The following LYPLAL1 variants were observed in gnomAD, a reference collection of about 807,000 sequenced individuals.
The protein encoded by LYPLAL1 is lysophospholipase like 1.
LYPLAL1 carries 23 observed loss-of-function variants against 19.7 expected under a neutral mutation model. That is an observed-to-expected ratio of 1.17 (90% confidence interval 0.84 to 1.65). The LOEUF is 1.65. Ranked by LOEUF, LYPLAL1 falls within the 40% of genes most tolerant of loss-of-function variation. The probability of loss-of-function intolerance (pLI) is 0.00; values close to 1 mark genes in which losing one functional copy is unlikely to be tolerated. For synonymous variants in LYPLAL1, 119 were observed against 96.3 expected (o/e 1.24, Z -1.38); for missense variants, 355 against 279.4 (o/e 1.27, Z -1.93).
intron 2 of LYPLAL1, among the ~76,000 whole-genome samples, chr1:219,190,575 T>A (rs1474948715): frequency 1.3e-5 from 2 of 148,606 alleles, no homozygotes; most frequent in Non-Finnish European, 3.0e-5. Context: ...GAAATTTAAA[T>A]TTTTTTTTAA....
At chr1:219,326,667 T>C in the LYPLAL1 span, among the ~76,000 whole-genome samples, 3 of 152,148 alleles carry the variant, frequency 2.0e-5, no homozygotes, top group Non-Finnish European at 2.9e-5. Flanking sequence ...CCTAGTAACT[T>C]AAATCCTGAA....
chr1:219,333,088 C>T, the LYPLAL1 span, among the ~76,000 whole-genome samples: 338 of 152,148 alleles, frequency 2.2e-3, 3 homozygotes, highest in African/African-American at 7.9e-3. Context: ...CAAGTTGATC[C>T]TTTCTCTACT....
chr1:219,280,272 T>C, the LYPLAL1 span, among the ~76,000 whole-genome samples: 58 of 152,170 alleles, frequency 3.8e-4, no homozygotes, highest in African/African-American at 1.2e-3. Flanking sequence ...ATAATACGTA[T>C]TATATAAAGT....
chr1:219,340,178 T>A, the LYPLAL1 span, among the ~76,000 whole-genome samples: 1 of 152,192 alleles, frequency 6.6e-6, no homozygotes, highest in African/African-American at 2.4e-5. Context: ...TTATAACCAA[T>A]TACTATCGTT....
chr1:219,239,713 T>C, the LYPLAL1 span, among the ~76,000 whole-genome samples: 1 of 152,236 alleles, frequency 6.6e-6, no homozygotes, highest in Admixed American at 6.5e-5. Context: ...AATGGCAATC[T>C]TGGCAGATCT....
the LYPLAL1 span, among the ~76,000 whole-genome samples, chr1:219,225,137 C>G: frequency 6.6e-6 from 1 of 152,168 alleles, no homozygotes; most frequent in Non-Finnish European, 1.5e-5. Context: ...GTCTATACCT[C>G]TGGCCCTAAG....
chr1:219,250,601 C>T, the LYPLAL1 span, among the ~76,000 whole-genome samples: 6 of 121,740 alleles, frequency 4.9e-5, no homozygotes, highest in South Asian at 3.2e-4. Flanking sequence ...TATTTTTCTC[C>T]GGCTTTATCC....
the LYPLAL1 span, among the ~76,000 whole-genome samples, chr1:219,250,879 A>G: frequency 6.6e-6 from 1 of 152,058 alleles, no homozygotes; most frequent in East Asian, 1.9e-4. Flanking sequence ...AGGAATCGCC[A>G]TACTGCTTTC....
the LYPLAL1 span, among the ~76,000 whole-genome samples, chr1:219,259,122 G>T: frequency 6.6e-6 from 1 of 151,948 alleles, no homozygotes; most frequent in Non-Finnish European, 1.5e-5. Flanking sequence ...AATAGGTGTT[G>T]GTGTGGATGT....
At chr1:219,431,827 A>G in the LYPLAL1 span, among the ~76,000 whole-genome samples, 1 of 152,218 alleles carries the variant, frequency 6.6e-6, no homozygotes, top group Non-Finnish European at 1.5e-5. Context: ...TGGTCAACAG[A>G]GCTCAAATCC....
At chr1:219,414,990 C>A in the LYPLAL1 span, among the ~76,000 whole-genome samples, 1 of 152,086 alleles carries the variant, frequency 6.6e-6, no homozygotes, top group Non-Finnish European at 1.5e-5. Context: ...ATAACCACAG[C>A]AAGGCACATT....
chr1:219,316,294 T>A, the LYPLAL1 span, among the ~76,000 whole-genome samples: 2 of 152,184 alleles, frequency 1.3e-5, no homozygotes, highest in Non-Finnish European at 2.9e-5. Flanking sequence ...TAGGAATAAG[T>A]CTCATTTTGT....
chr1:219,411,528 C>A, the LYPLAL1 span, among the ~76,000 whole-genome samples: 1 of 152,090 alleles, frequency 6.6e-6, no homozygotes, highest in Non-Finnish European at 1.5e-5. Context: ...ACAGGCCACT[C>A]GGCTCTACCA....
the LYPLAL1 span, among the ~76,000 whole-genome samples, chr1:219,361,763 A>G: frequency 1.3e-5 from 2 of 152,158 alleles, no homozygotes; most frequent in South Asian, 2.1e-4. Flanking sequence ...TATTATTCAC[A>G]TTATTCATGA....
the LYPLAL1 span, among the ~76,000 whole-genome samples, chr1:219,434,592 C>A: frequency 1.3e-5 from 2 of 152,156 alleles, no homozygotes; most frequent in East Asian, 1.9e-4. Flanking sequence ...CTTCCTGGCC[C>A]AAGACTTATG....
At chr1:219,174,266 C>T in intron 1 of LYPLAL1, 1 of 1,335,196 alleles carries the variant, frequency 7.5e-7, no homozygotes, top group Non-Finnish European at 9.6e-7. Flanking sequence ...CACACCTCCC[C>T]ATTCCTCGCC....
chr1:219,445,410 G>T, the LYPLAL1 span, among the ~76,000 whole-genome samples: 17 of 105,514 alleles, frequency 1.6e-4, no homozygotes, highest in Non-Finnish European at 2.2e-4. Context: ...ATTCAAATTG[G>T]GGGGGGGGCG....
chr1:219,412,159 T>TA, the LYPLAL1 span, among the ~76,000 whole-genome samples: 4 of 152,202 alleles, frequency 2.6e-5, no homozygotes, highest in East Asian at 7.7e-4. Flanking sequence ...AGGGATCCTC[T>TA]TGTCTCAGCC....
chr1:219,390,739 T>C, the LYPLAL1 span, among the ~76,000 whole-genome samples: 4 of 152,190 alleles, frequency 2.6e-5, no homozygotes, highest in Non-Finnish European at 4.4e-5. Context: ...GTTTTTCATA[T>C]TTATTTATAT....
Sources: gnomAD v4.1 joint callset for allele counts (sites outside exome capture counted in the v4.1 genomes callset) on GRCh38, gnomAD v4.1.1 for gene constraint, MANE v1.5 for transcripts, NCBI Gene and HGNC (gene_info 2026-07-23, HGNC 2026-07-21) for gene names.